TCF4: variants seen among roughly 807,000 people sequenced by gnomAD.
The protein encoded by TCF4 is SL3-3 enhancer factor 2.
TCF4 carries 3 observed loss-of-function variants against 82.1 expected under a neutral mutation model. That is an observed-to-expected ratio of 0.04 (90% CI 0.02 to 0.09). The LOEUF is 0.09. TCF4 is among the 10% of genes least tolerant of loss of function. The probability of loss-of-function intolerance (pLI) is 1.00; values close to 1 mark genes in which losing one functional copy is unlikely to be tolerated. For synonymous variants in TCF4, 276 were observed against 309.6 expected (o/e 0.89, Z 1.14); for missense variants, 518 against 852.7 (o/e 0.61, Z 4.89).
intron 8 of TCF4, among the ~76,000 whole-genome samples, chr18:55,328,763 AG>A (rs2077007623): frequency 6.6e-6 from 1 of 152,236 alleles, no homozygotes; most frequent in Admixed American, 6.5e-5. Context: ...ATCTCAGCAC[AG>A]GATGTTCTCA....
At chr18:55,578,452 T>C (rs890174597) in intron 3 of TCF4, among the ~76,000 whole-genome samples, 6 of 152,204 alleles carry the variant, frequency 3.9e-5, no homozygotes, top group Admixed American at 1.3e-4. Flanking sequence ...ACCTAAAAAA[T>C]AGAGCATCTC....
intron 3 of TCF4, among the ~76,000 whole-genome samples, chr18:55,492,859 C>A (rs2096590415): frequency 6.6e-6 from 1 of 152,162 alleles, no homozygotes; most frequent in Non-Finnish European, 1.5e-5. Context: ...GGTGCATTGT[C>A]AAGGCTCTGC....
chr18:55,365,398 C>A (rs1302838659), intron 6 of TCF4, among the ~76,000 whole-genome samples: 1 of 151,406 alleles, frequency 6.6e-6, no homozygotes, highest in Non-Finnish European at 1.5e-5. Context: ...TGTAGAAGCA[C>A]TGGATAAATG....
chr18:55,477,710 C>G (rs941217038), intron 3 of TCF4, among the ~76,000 whole-genome samples: 1 of 152,196 alleles, frequency 6.6e-6, no homozygotes, highest in Non-Finnish European at 1.5e-5. Context: ...GCTTCCCTTA[C>G]TTTCACTTTC....
chr18:55,434,706 C>T (rs1359668173), intron 5 of TCF4, among the ~76,000 whole-genome samples: 2 of 150,772 alleles, frequency 1.3e-5, no homozygotes, highest in Non-Finnish European at 2.9e-5. Flanking sequence ...GGATTACAGG[C>T]GTGAGCCACC....
intron 5 of TCF4, among the ~76,000 whole-genome samples, chr18:55,439,691 T>C (rs2095402084): frequency 6.6e-6 from 1 of 152,070 alleles, no homozygotes; most frequent in Non-Finnish European, 1.5e-5. Flanking sequence ...AGGAAAGATG[T>C]CTTGGTTATT....
chr18:55,462,647 A>G (rs2095891057), intron 4 of TCF4, among the ~76,000 whole-genome samples: 1 of 152,210 alleles, frequency 6.6e-6, no homozygotes, highest in Non-Finnish European at 1.5e-5. Flanking sequence ...TCTGAAACAC[A>G]ATTAAAAGTA....
intron 8 of TCF4, among the ~76,000 whole-genome samples, chr18:55,317,555 G>A (rs993782867): frequency 2.0e-5 from 3 of 152,056 alleles, no homozygotes; most frequent in East Asian, 1.9e-4. Flanking sequence ...AGAGCCATAT[G>A]TAAAATGTAC....
At chr18:55,510,666 CTTTTAAAGT>C in intron 3 of TCF4, 11 of 1,486,322 alleles carry the variant, frequency 7.4e-6, no homozygotes, top group Non-Finnish European at 8.9e-6. Flanking sequence ...ACTTCGTAAA[CTTTTAAAGT>C]TTGTGAACTG....
At chr18:55,260,762 G>T (rs2057888504) in intron 12 of TCF4, among the ~76,000 whole-genome samples, 1 of 152,130 alleles carries the variant, frequency 6.6e-6, no homozygotes, top group Non-Finnish European at 1.5e-5. Flanking sequence ...GCTTCACCGT[G>T]TTGGCCAGGC....
rs1350506520 is a variant in TCF4 at position 55,275,840 on chromosome 18, GC to G, written c.656-89del. The G allele has an allele frequency of 3.3e-6, 5 of 1,526,208 alleles. No individual in the cohort carries two copies. In the East Asian group the frequency reaches 1.1e-4, roughly 34 times the overall value. 94.5% of individuals were successfully genotyped at this position (1,526,208 alleles called of 1,614,324 possible). A position where few individuals can be genotyped will look rare whatever the true frequency, so the allele number is the denominator to read the frequency against. On this transcript the variant is annotated intron_variant, in intron 9 of 19. Coordinates refer to ENST00000354452, the MANE Select transcript of TCF4 (RefSeq NM_001083962.2). The stretch of plus-strand genomic sequence containing the variant: ...TTTTTTCATATACTTGAAAATGACT[GC>G]CTGTTGTGTTATTCATCTTTGTGTT...
chr18:55,359,055 T>G (rs2084362695), intron 6 of TCF4, among the ~76,000 whole-genome samples: 1 of 152,206 alleles, frequency 6.6e-6, no homozygotes, highest in South Asian at 2.1e-4. Flanking sequence ...AATGATGTGA[T>G]GTATGGTATA....
At chr18:55,431,373 G>A (rs1205676399) in intron 5 of TCF4, among the ~76,000 whole-genome samples, 3 of 152,206 alleles carry the variant, frequency 2.0e-5, no homozygotes, top group Non-Finnish European at 4.4e-5. Flanking sequence ...TCCGCCTTCC[G>A]GGTTCAAGCA....
At chr18:55,456,123 G>T (rs916401201) in intron 5 of TCF4, among the ~76,000 whole-genome samples, 10 of 152,186 alleles carry the variant, frequency 6.6e-5, no homozygotes, top group African/African-American at 2.2e-4. Context: ...TAGGCAAACG[G>T]AGCGGTGGAA....
chr18:55,327,062 G>A (rs1049485097), intron 8 of TCF4, among the ~76,000 whole-genome samples: 18 of 152,022 alleles, frequency 1.2e-4, no homozygotes, highest in African/African-American at 4.1e-4. Context: ...ATTTAATAAT[G>A]AACACCAACA....
At chr18:55,441,479 T>C (rs941186505) in intron 5 of TCF4, among the ~76,000 whole-genome samples, 3 of 152,238 alleles carry the variant, frequency 2.0e-5, no homozygotes, top group Non-Finnish European at 4.4e-5. Flanking sequence ...ATTATGTCCA[T>C]GTTCTGGCAG....
intron 9 of TCF4, among the ~76,000 whole-genome samples, chr18:55,277,377 G>A (rs1331525479): frequency 6.6e-6 from 1 of 152,110 alleles, no homozygotes; most frequent in East Asian, 1.9e-4. Flanking sequence ...CTAAACAAGA[G>A]TCTCCTGACA....
At chr18:55,577,139 CATTTATAT>C (rs1458529705) in intron 3 of TCF4, among the ~76,000 whole-genome samples, 4 of 135,644 alleles carry the variant, frequency 2.9e-5, no homozygotes, top group East Asian at 4.2e-4. Flanking sequence ...TTTATATATA[CATTTATAT>C]ATTTATATAT....
At chr18:55,472,835 A>C (rs1413250310) in intron 3 of TCF4, among the ~76,000 whole-genome samples, 1 of 152,200 alleles carries the variant, frequency 6.6e-6, no homozygotes, top group African/African-American at 2.4e-5. Context: ...GGAAGTTTTT[A>C]AGTAGGTGTT....
Sources: allele counts gnomAD v4.1 joint callset (sites outside exome capture counted in the v4.1 genomes callset), GRCh38; gene constraint gnomAD v4.1.1; transcripts MANE v1.5; gene names NCBI Gene and HGNC (gene_info 2026-07-23, HGNC 2026-07-21).